SUPT7L: variants seen among roughly 807,000 people sequenced by gnomAD.
SUPT7L encodes the protein SPT7 like, STAGA complex subunit gamma.
In SUPT7L, 15 loss-of-function variants were observed where a neutral mutation model predicts 35.7. That is an observed-to-expected ratio of 0.42 (90% CI 0.28 to 0.65). The LOEUF (loss-of-function observed/expected upper bound fraction) is 0.65. Ranked by LOEUF, SUPT7L falls within the 30% of genes least tolerant of loss-of-function variation. SUPT7L has a pLI of 0.23. For synonymous variants in SUPT7L, 168 were observed against 186.2 expected (o/e 0.90, Z 0.79); for missense variants, 434 against 522.2 (o/e 0.83, Z 1.65).
At chr2:27,660,835 T>A (rs897577290) in intron 3 of SUPT7L, 149 bp downstream of exon 3, 3 of 1,077,174 alleles carry the variant, frequency 2.8e-6, no homozygotes, top group Admixed American at 2.9e-5. Flanking sequence ...AACTTAGATA[T>A]CCCACTAATT....
Position 27,657,247 on chromosome 2 carries a change from T to A in SUPT7L, c.744+98A>T. 2 of 1,321,366 alleles carry A rather than the reference T, an allele frequency of 1.5e-6. No individual in the cohort carries two copies. The highest frequency in any genetic ancestry group is 2.1e-6 in the Non-Finnish European group (2 of 959,616). The allele number at this position is 1,321,366 out of a possible 1,614,324, so 81.9% of individuals were successfully genotyped here. ...TGTTAAGTTCACTCTGTTCCAAGAC[T>A]CTGTGCTCTGCACTCTAGACCAAGT... On this transcript the variant is annotated intron_variant, in intron 4 of 5. Coordinates refer to ENST00000337768, the MANE Select transcript of SUPT7L (RefSeq NM_014860.3). This position sits in a 1 kb window ranked among gnomAD's most constrained non-coding sequence, Gnocchi z 5.2.
In SUPT7L at chr2:27,657,268, C is replaced by G; in HGVS notation, c.744+77G>C. 6.7e-7 allele frequency: 1 copy of G among 1,488,202 alleles called. No individual in the cohort carries two copies. The highest frequency in any genetic ancestry group is 9.2e-7 in the Non-Finnish European group (1 of 1,091,264). 92.2% of individuals were successfully genotyped at this position (1,488,202 alleles called of 1,614,324 possible). On this transcript the variant is annotated intron_variant, in intron 4 of 5. Transcript: ENST00000337768. The surrounding 1 kb of genome is among the most constrained non-coding windows in gnomAD (Gnocchi z 5.2). ...AGACTCTGTGCTCTGCACTCTAGAC[C>G]AAGTGTTGTGGGATCCTGCTGAACA...
At chr2:27,645,955 C>T (rs1043064374), downstream of SUPT7L, among the ~76,000 whole-genome samples, 6 of 152,060 alleles carry the variant, frequency 3.9e-5, no homozygotes, top group Non-Finnish European at 2.9e-5. Context: ...GTCTCGAACT[C>T]CTGGGCTCAA....
chr2:27,642,958 T>TAC, the SUPT7L span, among the ~76,000 whole-genome samples: 1,501 of 122,608 alleles, frequency 0.012, 25 homozygotes, highest in South Asian at 0.034. Context: ...TATATATATA[T>TAC]ACACACACAC....
At position 27,650,941 on chromosome 2, in the gene SUPT7L, G is replaced by C. The variant is rs13398927; in HGVS notation, c.*2544C>G. The C allele has an allele frequency of 0.057, 8,715 of 152,792 alleles. 691 individuals carry two copies. Among genetic ancestry groups the C allele is most frequent in the African/African-American group, 0.18 (7,502 of 41,528 alleles). 9.5% of individuals were successfully genotyped at this position (152,792 alleles called of 1,614,324 possible). ...CCTGTTCAACAGAGGCTTAAGGCCA[G>C]ATGTCCAAACTTGTCTCAATAAGGA... On this transcript the variant is annotated 3_prime_UTR_variant, in exon 6 of 6. Coordinates refer to ENST00000337768, the MANE Select transcript of SUPT7L (RefSeq NM_014860.3).
At chr2:27,660,832 A>G in intron 3 of SUPT7L, 152 bp downstream of exon 3, 1 of 1,060,228 alleles carries the variant, frequency 9.4e-7, no homozygotes, top group Non-Finnish European at 1.3e-6. Context: ...CAAAACTTAG[A>G]TATCCCACTA....
the SUPT7L span, among the ~76,000 whole-genome samples, chr2:27,643,702 A>G: frequency 6.6e-6 from 1 of 152,132 alleles, no homozygotes; most frequent in Non-Finnish European, 1.5e-5. The surrounding 1 kb of genome is among the most constrained non-coding windows in gnomAD (Gnocchi z 4.0). Flanking sequence ...TATTTTATAG[A>G]GCATCCTTCA....
intron 5 of SUPT7L, among the ~76,000 whole-genome samples, chr2:27,654,580 T>C (rs1674704783): frequency 6.6e-6 from 1 of 152,160 alleles, no homozygotes; most frequent in African/African-American, 2.4e-5. Context: ...TATTTCTTTT[T>C]TTTTGAGACG....
At chr2:27,650,321 A>G, downstream of SUPT7L, 1 of 565,126 alleles carries the variant, frequency 1.8e-6, no homozygotes, top group African/African-American at 1.9e-5. Context: ...CAGAGTAGCA[A>G]AGTTTCTCTT....
In SUPT7L at chr2:27,651,906, G is replaced by A. The variant is rs910394236; in HGVS notation, c.*1579C>T. 2.0e-5 allele frequency: 3 copies of A among 152,256 alleles called. No individual in the cohort carries two copies. Among genetic ancestry groups the A allele is most frequent in the African/African-American group, 7.2e-5 (3 of 41,440 alleles). The allele number at this position is 152,256 out of a possible 1,614,324, so 9.4% of individuals were successfully genotyped here. Reference sequence around the variant, plus strand: ...TCACGCCTGTAATCCCAGCACTTTGGGAGCCCGAGGCGGGCAGATCACTTG... The same window carrying A: ...TCACGCCTGTAATCCCAGCACTTTGAGAGCCCGAGGCGGGCAGATCACTTG... On this transcript the variant is annotated 3_prime_UTR_variant, in exon 6 of 6. Transcript: ENST00000337768.
chr2:27,662,656 G>GTACT (rs1675169611), intron 1 of SUPT7L, among the ~76,000 whole-genome samples: 1 of 152,132 alleles, frequency 6.6e-6, no homozygotes, highest in South Asian at 2.1e-4. Context: ...ATTTTAATTA[G>GTACT]TACTTATCGC....
chr2:27,657,328 CA>C lies in SUPT7L; in HGVS notation c.744+16del. 1 of 1,608,456 alleles carries C rather than the reference CA, an allele frequency of 6.2e-7. No homozygotes were observed. Among genetic ancestry groups the C allele is most frequent in the Admixed American group, 1.7e-5 (1 of 59,784 alleles). ...TGCACAGACATCTGTGCCCACTTTT[CA>C]ACAGGGTCGCCTCACCTGTAGCATG... On this transcript the variant is annotated intron_variant, in intron 4 of 5. Transcript: ENST00000337768. This position sits in a 1 kb window ranked among gnomAD's most constrained non-coding sequence, Gnocchi z 5.2.
At chr2:27,648,727 C>T (rs759518710), downstream of SUPT7L, among the ~76,000 whole-genome samples, 6 of 152,154 alleles carry the variant, frequency 3.9e-5, no homozygotes, top group South Asian at 2.1e-4. Flanking sequence ...CCGCTGCCTC[C>T]CGGGTTCAAG....
rs1018726389 is a variant in SUPT7L, at chr2:27,653,138, T to C, written c.*347A>G. On this transcript the variant is annotated 3_prime_UTR_variant, in exon 6 of 6. Coordinates refer to ENST00000337768, the MANE Select transcript of SUPT7L (RefSeq NM_014860.3). ...GCAAACATCTAAATCCTCACATCTC[T>C]ACAAGGTAGGTCAAAGTATGATTCT... The C allele has an allele frequency of 5.9e-5, 17 of 287,244 alleles. No individual in the cohort carries two copies. The highest frequency in any genetic ancestry group is 3.7e-4 in the African/African-American group (17 of 45,694). The allele number at this position is 287,244 out of a possible 1,614,324, so 17.8% of individuals were successfully genotyped here.
chr2:27,649,034 A>C (rs1226335916), downstream of SUPT7L, among the ~76,000 whole-genome samples: 1 of 151,686 alleles, frequency 6.6e-6, no homozygotes, highest in Non-Finnish European at 1.5e-5. Flanking sequence ...ACCTGAGGCC[A>C]GGAGTTCAAG....
At position 27,660,981 on chromosome 2, in the gene SUPT7L, T is replaced by C. The variant is rs1675071034; in HGVS notation, c.419+3A>G. ...AGTAAGATACAGCAAAGCCTTGCCT[T>C]ACCGATAAAAGTCACTCTCTGGGTC... On this transcript the variant is annotated splice_donor_region_variant and intron_variant, in intron 3 of 5. Coordinates refer to ENST00000337768, the MANE Select transcript of SUPT7L (RefSeq NM_014860.3). The C allele has an allele frequency of 6.2e-7, 1 of 1,611,764 alleles. No homozygotes were observed. The highest frequency in any genetic ancestry group is 8.5e-7 in the Non-Finnish European group (1 of 1,178,206).
At chr2:27,662,114 A>G in intron 2 of SUPT7L, 65 bp downstream of exon 2, 1 of 1,613,204 alleles carries the variant, frequency 6.2e-7, no homozygotes, top group African/African-American at 1.3e-5. Context: ...CCCATTGCCT[A>G]TTGGAAAAAG....
chr2:27,656,404 G>GT (rs1414049770), intron 4 of SUPT7L, among the ~76,000 whole-genome samples: 1 of 152,038 alleles, frequency 6.6e-6, no homozygotes, highest in Non-Finnish European at 1.5e-5. Flanking sequence ...ATTTTACTCT[G>GT]TTTTTTTCAT....
chr2:27,648,337 T>C (rs1002299882), downstream of SUPT7L, among the ~76,000 whole-genome samples: 1 of 151,994 alleles, frequency 6.6e-6, no homozygotes, highest in Non-Finnish European at 1.5e-5. Context: ...CTGGGCAACA[T>C]AGTTAGTCCC....
Sources: gnomAD v4.1 joint callset for allele counts (sites outside exome capture counted in the v4.1 genomes callset) on GRCh38, gnomAD v4.1.1 for gene constraint, Gnocchi (gnomAD v3.1) non-coding constraint, MANE v1.5 for transcripts, NCBI Gene and HGNC (gene_info 2026-07-23, HGNC 2026-07-21) for gene names.